Variants in RBFOX3 observed in about 807,000 individuals in gnomAD.
RBFOX3 encodes RNA binding protein fox-1 homolog 3.
RBFOX3 carries 17 observed loss-of-function variants against 48.7 expected under a neutral mutation model. That is an observed-to-expected ratio of 0.35 (90% CI 0.24 to 0.52). The LOEUF is 0.52. Among genes scored for constraint, RBFOX3 ranks in the 20% least tolerant of loss-of-function variants. The pLI is 0.94. For missense variants in RBFOX3, 382 were observed against 497.5 expected, an observed-to-expected ratio of 0.77 and a Z score of 2.21; for synonymous variants, 212 against 209.5, an observed-to-expected ratio of 1.01 and a Z score of -0.10.
intron 2 of RBFOX3, among the ~76,000 whole-genome samples, chr17:79,347,239 T>C (rs1287247179): frequency 6.6e-6 from 1 of 152,216 alleles, no homozygotes; most frequent in African/African-American, 2.4e-5. Flanking sequence ...TTGCTCTTTG[T>C]GTGTGATCTC....
intron 2 of RBFOX3, among the ~76,000 whole-genome samples, chr17:79,461,453 G>A (rs79109142): frequency 3.0e-4 from 45 of 152,286 alleles, no homozygotes; most frequent in African/African-American, 8.4e-4. Context: ...AACCATTTCC[G>A]CCTTCTTTGA....
intron 4 of RBFOX3, among the ~76,000 whole-genome samples, chr17:79,121,972 G>GCCCCCAAAGGGACCTCTGACCTC (rs2035864517): frequency 6.6e-6 from 1 of 152,088 alleles, no homozygotes; most frequent in Admixed American, 6.5e-5. Flanking sequence ...GGTTTGACGT[G>GCCCCCAAAGGGACCTCTGACCTC]CCCCCAAAGG....
chr17:79,432,273 C>T lies in RBFOX3; in HGVS notation c.-175+50181G>A, dbSNP rs531587490. ...CTATGAACCGAGTGTGCACATGTCT[C>T]GTCCATACCCTGCTTCCAACCCTGT... is the stretch of plus-strand genomic sequence containing the variant. On this transcript the variant is annotated intron_variant, in intron 2 of 14. Transcript: ENST00000693108. Among the ~76,000 whole-genome samples the T allele has an allele frequency of 1.3e-3, 196 of 152,348 alleles. 2 individuals are homozygous for T. Among genetic ancestry groups the T allele is most frequent in the African/African-American group, 4.5e-3 (186 of 41,592 alleles).
intron 9 of RBFOX3, 28 bp downstream of exon 9, chr17:79,101,556 A>T: frequency 1.9e-6 from 3 of 1,543,456 alleles, no homozygotes; most frequent in Non-Finnish European, 2.6e-6. Flanking sequence ...TGACCCCAGC[A>T]GCCTTGTGGG....
chr17:79,371,225 C>A (rs1307977069), intron 2 of RBFOX3, among the ~76,000 whole-genome samples: 2 of 152,344 alleles, frequency 1.3e-5, no homozygotes, highest in East Asian at 3.9e-4. Flanking sequence ...GGCAGATTAA[C>A]CCCACTTTGC....
chr17:79,654,245 A>C, the RBFOX3 span, among the ~76,000 whole-genome samples: 923 of 152,302 alleles, frequency 6.1e-3, 11 homozygotes, highest in African/African-American at 0.021. Context: ...AACAACCAGC[A>C]CAGCCAGTCT....
chr17:79,385,346 G>C (rs1418276469), intron 2 of RBFOX3, among the ~76,000 whole-genome samples: 1 of 152,204 alleles, frequency 6.6e-6, no homozygotes, highest in East Asian at 1.9e-4. Flanking sequence ...AGTCAGGCAA[G>C]ACCCACAAAG....
the RBFOX3 span, among the ~76,000 whole-genome samples, chr17:79,638,533 G>C: frequency 2.6e-5 from 4 of 152,144 alleles, no homozygotes; most frequent in African/African-American, 9.7e-5. Flanking sequence ...CCAAAACTGA[G>C]TCAGGAAGAA....
intron 1 of RBFOX3, among the ~76,000 whole-genome samples, chr17:79,583,412 A>C (rs985392959): frequency 7.9e-4 from 120 of 152,322 alleles, no homozygotes; most frequent in Middle Eastern, 3.4e-3. Flanking sequence ...AGACAGACAG[A>C]TGTCACGCAG....
At chr17:79,632,237 G>C in the RBFOX3 span, among the ~76,000 whole-genome samples, 1 of 152,148 alleles carries the variant, frequency 6.6e-6, no homozygotes, top group African/African-American at 2.4e-5. Context: ...GCCTTGGTTC[G>C]TTGTAGACGG....
intron 4 of RBFOX3, among the ~76,000 whole-genome samples, chr17:79,133,053 AACCCCAGCGT>A: frequency 6.6e-6 from 1 of 152,186 alleles, no homozygotes; most frequent in Non-Finnish European, 1.5e-5. Flanking sequence ...GTGGGCCTCA[AACCCCAGCGT>A]GGGGGTGACC....
rs79106933 is a variant in RBFOX3, at chr17:79,143,732, G to A, written c.-33-27984C>T. 7.3e-3 allele frequency among the ~76,000 whole-genome samples: 1,119 copies of A among 152,332 alleles called. 18 individuals carry two copies. Among genetic ancestry groups the A allele is most frequent in the African/African-American group, 0.026 (1,063 of 41,568 alleles). On this transcript the variant is annotated intron_variant, in intron 4 of 14. Transcript: ENST00000693108. ...GGCCCCCACACCTGGAAGCCACTCTGCATCTGAGGCTGGGCATGTTTTGGG... is the reference window on the plus strand; with the variant it reads ...GGCCCCCACACCTGGAAGCCACTCTACATCTGAGGCTGGGCATGTTTTGGG...
At chr17:79,599,955 G>A (rs1289802453) in intron 1 of RBFOX3, 1 of 152,236 alleles carries the variant, frequency 6.6e-6, no homozygotes, top group African/African-American at 2.4e-5. Flanking sequence ...CAGTGGGAGG[G>A]CCGAGGAGTG....
At chr17:79,155,887 G>A (rs2045679441) in intron 4 of RBFOX3, among the ~76,000 whole-genome samples, 1 of 152,194 alleles carries the variant, frequency 6.6e-6, no homozygotes, top group African/African-American at 2.4e-5. Flanking sequence ...TCTCCTCTCT[G>A]ACTGCCACGG....
Position 79,199,424 on chromosome 17 carries a change from T to C in RBFOX3, c.-34+36342A>G, listed in dbSNP as rs2056363972. Among the ~76,000 whole-genome samples the C allele has an allele frequency of 6.6e-6, 1 of 152,016 alleles. No individual in the cohort carries two copies. The highest frequency in any genetic ancestry group is 2.4e-5 in the African/African-American group (1 of 41,376). On this transcript the variant is annotated intron_variant, in intron 4 of 14. Coordinates refer to ENST00000693108, the MANE Select transcript of RBFOX3 (RefSeq NM_001350451.2). The surrounding 1 kb of genome is among the most constrained non-coding windows in gnomAD (Gnocchi z 5.1). ...CTGCCCACCGCCCTACTGCAGGAGTTGCAGATCTTGGGGGTCTCTCAGTGG... is the reference window on the plus strand; with the variant it reads ...CTGCCCACCGCCCTACTGCAGGAGTCGCAGATCTTGGGGGTCTCTCAGTGG...
chr17:79,468,921 G>A (rs2076687395), intron 2 of RBFOX3, among the ~76,000 whole-genome samples: 1 of 147,864 alleles, frequency 6.8e-6, no homozygotes, highest in Non-Finnish European at 1.5e-5. Context: ...CAGATAGGCA[G>A]GCAGATAGAG....
In RBFOX3 at chr17:79,524,861, T is replaced by C. The variant is rs1480897539; in HGVS notation, c.-319-42263A>G. ...ACAGCAGGTGTAAAGGGAGCCCCAG[T>C]TTGCATAGTGCCTCAAACACAGCAT... On this transcript the variant is annotated intron_variant, in intron 1 of 14. Coordinates refer to ENST00000693108, the MANE Select transcript of RBFOX3 (RefSeq NM_001350451.2). Among the ~76,000 whole-genome samples, 7 of 152,268 alleles carry C rather than the reference T, an allele frequency of 4.6e-5. No homozygotes were observed. In the East Asian group the frequency reaches 1.4e-3, roughly 29 times the overall value.
intron 3 of RBFOX3, among the ~76,000 whole-genome samples, chr17:79,247,258 C>G (rs969888456): frequency 4.6e-5 from 7 of 151,686 alleles, no homozygotes; most frequent in Non-Finnish European, 7.4e-5. Context: ...TCTCCCCACC[C>G]TGGCTGGCTT....
intron 2 of RBFOX3, among the ~76,000 whole-genome samples, chr17:79,339,286 G>C (rs1248104797): frequency 6.6e-6 from 1 of 152,138 alleles, no homozygotes; most frequent in Non-Finnish European, 1.5e-5. Flanking sequence ...GAAGTCCTGA[G>C]CTCGAGTGAT....
Sources: gnomAD v4.1 joint callset for allele counts (sites outside exome capture counted in the v4.1 genomes callset) on GRCh38, gnomAD v4.1.1 for gene constraint, Gnocchi (gnomAD v3.1) non-coding constraint, MANE v1.5 for transcripts, NCBI Gene and HGNC (gene_info 2026-07-23, HGNC 2026-07-21) for gene names.